SGCD: variants seen among roughly 807,000 people sequenced by gnomAD.
The protein encoded by SGCD is delta-sarcoglycan.
A neutral mutation model predicts 36.6 loss-of-function variants in SGCD; 18 were observed. The observed-to-expected ratio is 0.49, with a 90% confidence interval of 0.34 to 0.73. SGCD has a LOEUF of 0.73. Among genes scored for constraint, SGCD ranks in the 30% least tolerant of loss-of-function variants. SGCD has a pLI of 0.01. For synonymous variants in SGCD, 133 were observed against 130.6 expected (o/e 1.02, Z -0.12); for missense variants, 387 against 346.7 (o/e 1.12, Z -0.92).
chr5:156,695,527 A>AGATAGATG (rs1754284167), intron 7 of SGCD, among the ~76,000 whole-genome samples: 3 of 53,034 alleles, frequency 5.7e-5, no homozygotes, highest in African/African-American at 2.4e-4. Flanking sequence ...ATAGATAGAT[A>AGATAGATG]GATAGATAGA....
At chr5:156,624,381 A>T (rs1400322701) in intron 6 of SGCD, among the ~76,000 whole-genome samples, 1 of 152,154 alleles carries the variant, frequency 6.6e-6, no homozygotes, top group Non-Finnish European at 1.5e-5. Flanking sequence ...GGAGATTGAG[A>T]CCATCCTGAC....
chr5:155,994,858 A>G lies in SGCD; in HGVS notation c.-281-123020A>G, dbSNP rs138779495. Among the ~76,000 whole-genome samples the G allele has an allele frequency of 1.7e-3, 252 of 152,300 alleles. 1 individual carries two copies. Among genetic ancestry groups the G allele is most frequent in the Non-Finnish European group, 2.9e-3 (194 of 68,022 alleles). ...TTCCATGCTAGGGGCTGCGCTGAGC[A>G]TGTGGCTGGATTCAGGTTGAATTTT... On this transcript the variant is annotated intron_variant, in intron 1 of 9. Coordinates refer to the SGCD transcript ENST00000517913.
intron 3 of SGCD, among the ~76,000 whole-genome samples, chr5:156,294,623 CAT>C (rs1473392499): frequency 2.0e-5 from 3 of 151,968 alleles, no homozygotes; most frequent in Admixed American, 6.6e-5. Flanking sequence ...GTGGGTTTTT[CAT>C]ATGTCTTTTA....
At chr5:156,408,868 C>T (rs922766103) in intron 3 of SGCD, among the ~76,000 whole-genome samples, 6 of 152,110 alleles carry the variant, frequency 3.9e-5, no homozygotes, top group African/African-American at 1.4e-4. Flanking sequence ...TGACTTTAGG[C>T]AAGTCCCTGG....
At chr5:156,211,982 G>A (rs1250241194) in intron 3 of SGCD, among the ~76,000 whole-genome samples, 1 of 152,034 alleles carries the variant, frequency 6.6e-6, no homozygotes, top group Non-Finnish European at 1.5e-5. Flanking sequence ...AAGCATCATT[G>A]GAACCGCAAA....
intron 3 of SGCD, among the ~76,000 whole-genome samples, chr5:156,239,209 G>A (rs2312058): frequency 0.24 from 37,150 of 151,808 alleles, 4,982 homozygotes; most frequent in East Asian, 0.62. Context: ...AGACCAGACT[G>A]ACCAACATGG....
intron 3 of SGCD, among the ~76,000 whole-genome samples, chr5:156,197,045 CTTAT>C (rs1764039097): frequency 6.6e-6 from 1 of 152,114 alleles, no homozygotes; most frequent in Non-Finnish European, 1.5e-5. Flanking sequence ...ATGGCCATTG[CTTAT>C]TTAAACAATC....
At chr5:156,750,729 A>AGAT (rs1410539508) in intron 7 of SGCD, among the ~76,000 whole-genome samples, 1 of 152,162 alleles carries the variant, frequency 6.6e-6, no homozygotes, top group South Asian at 2.1e-4. Context: ...AATAACCTAC[A>AGAT]GATAGATTAT....
At chr5:156,461,250 G>A (rs1311122392) in intron 3 of SGCD, among the ~76,000 whole-genome samples, 1 of 152,030 alleles carries the variant, frequency 6.6e-6, no homozygotes. Flanking sequence ...TATTATAAAA[G>A]CATATTGTTT....
At chr5:155,914,957 A>G (rs1424830550) in intron 1 of SGCD, among the ~76,000 whole-genome samples, 2 of 152,216 alleles carry the variant, frequency 1.3e-5, no homozygotes, top group African/African-American at 4.8e-5. Flanking sequence ...ATTAAAATTT[A>G]CATAATTGAA....
At chr5:156,036,169 C>A (rs936751531) in intron 1 of SGCD, among the ~76,000 whole-genome samples, 1 of 152,136 alleles carries the variant, frequency 6.6e-6, no homozygotes, top group Admixed American at 6.5e-5. Flanking sequence ...CTTGAGTCTG[C>A]TTGCCTGGTG....
intron 1 of SGCD, among the ~76,000 whole-genome samples, chr5:156,038,730 T>G (rs762192055): frequency 2.6e-5 from 4 of 152,178 alleles, no homozygotes; most frequent in Non-Finnish European, 4.4e-5. Context: ...ATGGGGAATA[T>G]GGGGATAAAC....
intron 1 of SGCD, among the ~76,000 whole-genome samples, chr5:156,086,749 G>A (rs1314838185): frequency 2.6e-5 from 4 of 152,254 alleles, no homozygotes; most frequent in South Asian, 2.1e-4. Context: ...CCTGGTGGAA[G>A]GAAAGTAAGC....
intron 1 of SGCD, among the ~76,000 whole-genome samples, chr5:156,022,502 T>C (rs1319034965): frequency 1.3e-5 from 2 of 152,234 alleles, no homozygotes; most frequent in African/African-American, 2.4e-5. Flanking sequence ...TTTGCAATGC[T>C]TAATTTTTGC....
rs146243638 is a variant in SGCD, at chr5:156,249,515, T to C, written c.-43-80019T>C. ...TCCTGGGACCTTTGATTTTCTATGT[T>C]CTGACACTCACAGATTTCAAGACAA... is the stretch of plus-strand genomic sequence containing the variant. On this transcript the variant is annotated intron_variant, in intron 3 of 9. Transcript: ENST00000517913. Among the ~76,000 whole-genome samples, 3 of 152,310 alleles carry C rather than the reference T, an allele frequency of 2.0e-5. No individual in the cohort carries two copies. In the East Asian group the frequency reaches 5.8e-4, roughly 29 times the overall value.
intron 6 of SGCD, among the ~76,000 whole-genome samples, chr5:156,606,306 CT>C (rs1307971018): frequency 6.6e-6 from 1 of 152,188 alleles, no homozygotes. Context: ...ATAGGGAATC[CT>C]TTCCCCATTT....
chr5:155,869,476 G>A (rs757054096), upstream of SGCD, among the ~76,000 whole-genome samples: 4 of 151,958 alleles, frequency 2.6e-5, no homozygotes, highest in Admixed American at 1.3e-4. Flanking sequence ...CTGTGAGTTA[G>A]GAACATTGTT....
intron 1 of SGCD, among the ~76,000 whole-genome samples, chr5:155,945,165 G>T: frequency 6.6e-6 from 1 of 152,192 alleles, no homozygotes; most frequent in East Asian, 1.9e-4. Context: ...TGAGGTCTGT[G>T]TTATTGGATA....
chr5:156,330,032 A>C lies in SGCD; in HGVS notation c.3+453A>C, dbSNP rs867989902. On this transcript the variant is annotated intron_variant, in intron 2 of 8. Transcript: ENST00000337851. ...ATTCAGTCTCAAAAAAAAAAAAAAA[A>C]AAAAAAAATCTCCAAGGGCACATAC... 8.3e-4 allele frequency among the ~76,000 whole-genome samples: 126 copies of C among 151,204 alleles called. 1 individual carries two copies. Among genetic ancestry groups the C allele is most frequent in the African/African-American group, 2.9e-3 (120 of 40,932 alleles).
Sources: gnomAD v4.1 joint callset for allele counts (sites outside exome capture counted in the v4.1 genomes callset) on GRCh38, gnomAD v4.1.1 for gene constraint, MANE v1.5 for transcripts, NCBI Gene and HGNC (gene_info 2026-07-23, HGNC 2026-07-21) for gene names.